Variants in ITGA9 observed in about 807,000 individuals in gnomAD.
ITGA9 encodes integrin subunit alpha 9.
ITGA9 carries 56 observed loss-of-function variants against 127.8 expected under a neutral mutation model. The observed-to-expected ratio is 0.44, with a 90% CI of 0.35 to 0.55. The LOEUF (loss-of-function observed/expected upper bound fraction) is 0.55, where lower values mean the gene tolerates loss of function less well. Among genes scored for constraint, ITGA9 ranks in the 20% least tolerant of loss-of-function variants. The pLI is 0.00. For missense variants in ITGA9, 1,196 were observed against 1,347.1 expected (o/e 0.89, Z 1.76); for synonymous variants, 508 against 514.5 (o/e 0.99, Z 0.17).
At chr3:37,647,790 T>A (rs1700393095) in intron 16 of ITGA9, among the ~76,000 whole-genome samples, 1 of 152,200 alleles carries the variant, frequency 6.6e-6, no homozygotes, top group Non-Finnish European at 1.5e-5. Flanking sequence ...ATCCATGTTA[T>A]CAAAAATGGC....
intron 13 of ITGA9, among the ~76,000 whole-genome samples, chr3:37,529,934 G>C (rs1408895536): frequency 2.6e-5 from 4 of 152,158 alleles, no homozygotes; most frequent in Non-Finnish European, 5.9e-5. Flanking sequence ...CTGGGGGCGA[G>C]GGGCTCTCAT....
intron 15 of ITGA9, among the ~76,000 whole-genome samples, chr3:37,572,396 G>A (rs1292635935): frequency 1.3e-5 from 2 of 152,122 alleles, no homozygotes; most frequent in Admixed American, 6.5e-5. Context: ...TAAGAGCATG[G>A]CCTGGCTTTG....
At chr3:37,491,234 C>T (rs934175417) in intron 4 of ITGA9, among the ~76,000 whole-genome samples, 1 of 152,186 alleles carries the variant, frequency 6.6e-6, no homozygotes, top group African/African-American at 2.4e-5. Flanking sequence ...GCCTCGGCCT[C>T]CCAAAGTGCT....
intron 15 of ITGA9, among the ~76,000 whole-genome samples, chr3:37,549,874 G>A (rs1575146358): frequency 6.6e-6 from 1 of 152,304 alleles, no homozygotes; most frequent in East Asian, 1.9e-4. Flanking sequence ...TGTGTTTGGG[G>A]AAAAGTGAGG....
chr3:37,465,355 C>T (rs1388512571), intron 1 of ITGA9, among the ~76,000 whole-genome samples: 1 of 152,184 alleles, frequency 6.6e-6, no homozygotes, highest in Non-Finnish European at 1.5e-5. Flanking sequence ...GCTCAGGAAG[C>T]AGCTTTGTTG....
At chr3:37,498,490 C>T (rs912249468) in intron 5 of ITGA9, among the ~76,000 whole-genome samples, 6 of 152,188 alleles carry the variant, frequency 3.9e-5, no homozygotes, top group African/African-American at 9.6e-5. Flanking sequence ...GAGGAACCGG[C>T]GGGGCAGGAG....
chr3:37,509,046 C>G (rs575325341), intron 8 of ITGA9, among the ~76,000 whole-genome samples: 3 of 152,182 alleles, frequency 2.0e-5, no homozygotes, highest in Admixed American at 6.5e-5. Flanking sequence ...AACATTACCC[C>G]CTTCCCTAAT....
In ITGA9 at chr3:37,741,772, C is replaced by A; in HGVS notation, c.2277C>A (p.Leu759=). 6.2e-7 allele frequency: 1 copy of A among 1,613,890 alleles called. No individual in the cohort carries two copies. The highest frequency in any genetic ancestry group is 1.1e-5 in the South Asian group (1 of 90,950). ...CTGAATCCCTGCATGACAACACCCTCGTGCTGATGGTGCCACTGATGCACG... is the reference window on the plus strand; with the variant it reads ...CTGAATCCCTGCATGACAACACCCTAGTGCTGATGGTGCCACTGATGCACG... ...ERSESLHDNT[L]VLMVPLMHEV... Residue 759 remains leucine (L), a synonymous_variant, in exon 21 of 28, where the codon CTC becomes CTA. Transcript: ENST00000264741.
At chr3:37,661,327 G>A (rs1262473591) in intron 17 of ITGA9, among the ~76,000 whole-genome samples, 1 of 152,184 alleles carries the variant, frequency 6.6e-6, no homozygotes, top group Non-Finnish European at 1.5e-5. Context: ...CAGCCTCTTA[G>A]GTTGGGTTAT....
At chr3:37,558,393 G>C (rs1202788020) in intron 15 of ITGA9, among the ~76,000 whole-genome samples, 1 of 152,188 alleles carries the variant, frequency 6.6e-6, no homozygotes, top group Non-Finnish European at 1.5e-5. Context: ...CAACAGCTCA[G>C]GTTATTTCAT....
chr3:37,512,121 TTTC>T (rs1698929712), intron 8 of ITGA9, among the ~76,000 whole-genome samples: 2 of 12,796 alleles, frequency 1.6e-4, no homozygotes, highest in Admixed American at 1.3e-3. Context: ...TCCTTCCTTC[TTTC>T]TTTTCTTTTC....
At chr3:37,552,424 A>C (rs1047779467) in intron 15 of ITGA9, among the ~76,000 whole-genome samples, 1 of 143,692 alleles carries the variant, frequency 7.0e-6, no homozygotes, top group Admixed American at 6.7e-5. Flanking sequence ...TCATGCCTAT[A>C]TTGTTAGAGA....
intron 1 of ITGA9, among the ~76,000 whole-genome samples, chr3:37,465,225 C>T (rs999516654): frequency 6.6e-6 from 1 of 152,322 alleles, no homozygotes; most frequent in South Asian, 2.1e-4. Flanking sequence ...CTCAGTCCTT[C>T]TCTGTCACCC....
rs550038782 is a variant in ITGA9 at position 37,737,892 on chromosome 3, T to A, written c.2234+909T>A. Among the ~76,000 whole-genome samples, 6 of 152,258 alleles carry A rather than the reference T, an allele frequency of 3.9e-5. 1 individual carries two copies. The highest frequency in any genetic ancestry group is 9.6e-5 in the African/African-American group (4 of 41,552). On this transcript the variant is annotated intron_variant, in intron 20 of 27. Transcript: ENST00000264741. ...ATTTTATCATCCTCTTTCTATATAA[T>A]TTTTTTTGTTAACCATGTGAAAGTT...
At chr3:37,720,167 T>C (rs891055529) in intron 18 of ITGA9, among the ~76,000 whole-genome samples, 2 of 152,202 alleles carry the variant, frequency 1.3e-5, no homozygotes, top group East Asian at 1.9e-4. Flanking sequence ...CCTTGACAGC[T>C]TCAAGTTGCA....
chr3:37,531,098 C>T (rs575077976), intron 13 of ITGA9, among the ~76,000 whole-genome samples: 10 of 151,100 alleles, frequency 6.6e-5, no homozygotes, highest in Admixed American at 6.6e-4. Flanking sequence ...GCTTGTGGTG[C>T]TGTCCTTGGG....
chr3:37,562,243 G>A (rs1282084595), intron 15 of ITGA9, among the ~76,000 whole-genome samples: 1 of 152,090 alleles, frequency 6.6e-6, no homozygotes, highest in East Asian at 1.9e-4. Flanking sequence ...CTACCTCCAT[G>A]TAATCACACA....
At chr3:37,789,209 T>G (rs1697076568) in intron 26 of ITGA9, among the ~76,000 whole-genome samples, 1 of 152,134 alleles carries the variant, frequency 6.6e-6, no homozygotes, top group Non-Finnish European at 1.5e-5. Context: ...ATATGAAGAA[T>G]GAACTAAACA....
At chr3:37,782,704 G>A (rs921601674) in intron 25 of ITGA9, among the ~76,000 whole-genome samples, 2 of 152,214 alleles carry the variant, frequency 1.3e-5, no homozygotes, top group East Asian at 1.9e-4. Context: ...GTGGAGCAGC[G>A]CCAGCCTTGT....
Sources: allele counts gnomAD v4.1 joint callset (sites outside exome capture counted in the v4.1 genomes callset), GRCh38; gene constraint gnomAD v4.1.1; transcripts MANE v1.5; gene names NCBI Gene and HGNC (gene_info 2026-07-23, HGNC 2026-07-21).